PPFIA1: variants seen among roughly 807,000 people sequenced by gnomAD.
PPFIA1 encodes the protein PPFI scaffold protein A1, also known as liprin-alpha-1.
PPFIA1 carries 25 observed loss-of-function variants against 149.9 expected under a neutral mutation model. The ratio of observed to expected loss-of-function variants is 0.17; its 90% CI spans 0.12 to 0.23. PPFIA1 has a LOEUF of 0.23. Ranked by LOEUF, PPFIA1 falls within the 10% of genes least tolerant of loss-of-function variation. The probability of loss-of-function intolerance (pLI) is 1.00; values close to 1 mark genes in which losing one functional copy is unlikely to be tolerated. For synonymous variants in PPFIA1, 549 were observed against 552.8 expected (o/e 0.99, Z 0.10); for missense variants, 1,362 against 1,506.5 (o/e 0.90, Z 1.59).
At chr11:70,301,095 C>A (rs1163566283) in intron 2 of PPFIA1, among the ~76,000 whole-genome samples, 1 of 152,172 alleles carries the variant, frequency 6.6e-6, no homozygotes. Context: ...AGTTTTGGGT[C>A]CTCTGCGTAC....
At chr11:70,311,411 C>T (rs1383689532) in intron 2 of PPFIA1, among the ~76,000 whole-genome samples, 1 of 152,184 alleles carries the variant, frequency 6.6e-6, no homozygotes, top group African/African-American at 2.4e-5. Flanking sequence ...TTTTCCACTT[C>T]ATGCGTCGGA....
intron 2 of PPFIA1, among the ~76,000 whole-genome samples, chr11:70,310,551 A>G (rs2053196337): frequency 6.6e-6 from 1 of 151,676 alleles, no homozygotes; most frequent in Admixed American, 6.6e-5. Flanking sequence ...ACGCCCAGTT[A>G]ATTTTGGTAT....
chr11:70,350,306 C>T (rs2055978617), intron 16 of PPFIA1, among the ~76,000 whole-genome samples: 2 of 151,864 alleles, frequency 1.3e-5, no homozygotes, highest in Admixed American at 6.6e-5. Context: ...TTTACACAAA[C>T]AGTATGCTTT....
intron 7 of PPFIA1, chr11:70,327,512 C>CT (rs1461938458): frequency 6.6e-6 from 1 of 152,396 alleles, no homozygotes; most frequent in African/African-American, 2.4e-5. Context: ...TGGCTCACGC[C>CT]TGTAATCCCA....
intron 15 of PPFIA1, among the ~76,000 whole-genome samples, chr11:70,346,240 C>T (rs2137181060): frequency 6.6e-6 from 1 of 152,208 alleles, no homozygotes; most frequent in South Asian, 2.1e-4. Flanking sequence ...TGACGTGCTG[C>T]TTGGCTAGCC....
At chr11:70,367,915 C>G (rs944632564) in intron 21 of PPFIA1, among the ~76,000 whole-genome samples, 1 of 152,146 alleles carries the variant, frequency 6.6e-6, no homozygotes, top group Non-Finnish European at 1.5e-5. Flanking sequence ...GCAGGTGGAT[C>G]GCTTTCAGCC....
At chr11:70,369,600 G>C (rs781020366) in intron 21 of PPFIA1, among the ~76,000 whole-genome samples, 1 of 152,102 alleles carries the variant, frequency 6.6e-6, no homozygotes, top group Admixed American at 6.6e-5. Flanking sequence ...CTTGGGTAGA[G>C]ATTTTCTTTT....
chr11:70,357,538 G>GT (rs2056414761), intron 19 of PPFIA1, among the ~76,000 whole-genome samples: 1 of 151,880 alleles, frequency 6.6e-6, no homozygotes, highest in South Asian at 2.1e-4. Context: ...TAGAAACCAC[G>GT]TAACAGCAAA....
chr11:70,292,492 C>T (rs1213911310), intron 2 of PPFIA1, among the ~76,000 whole-genome samples: 1 of 152,232 alleles, frequency 6.6e-6, no homozygotes, highest in Non-Finnish European at 1.5e-5. Context: ...GTTCCCTCAT[C>T]ACTGAGCCTT....
At position 70,383,047 on chromosome 11, in the gene PPFIA1, C is replaced by T. The variant is rs1016346685; in HGVS notation, c.*57C>T. 3 of 411,218 alleles carry T rather than the reference C, an allele frequency of 7.3e-6. No homozygotes were observed. Among genetic ancestry groups the T allele is most frequent in the Non-Finnish European group, 9.4e-6 (2 of 213,166 alleles). The allele number at this position is 411,218 out of a possible 1,614,324, so 25.5% of individuals were successfully genotyped here. A position where few individuals can be genotyped will look rare whatever the true frequency, so the allele number is the denominator to read the frequency against. ...CAGATGATTATGCAGCATTTGAATC[C>T]AACAAAGACTACATTTTGGAATCCA... On this transcript the variant is annotated 3_prime_UTR_variant, in exon 28 of 28. Transcript: ENST00000253925.
intron 2 of PPFIA1, among the ~76,000 whole-genome samples, chr11:70,274,462 G>C (rs2050267453): frequency 6.6e-6 from 1 of 152,118 alleles, no homozygotes; most frequent in East Asian, 1.9e-4. Context: ...CCAAGGTCTT[G>C]ACCTTTCACC....
At chr11:70,367,423 G>A in intron 21 of PPFIA1, 1 of 424,608 alleles carries the variant, frequency 2.4e-6, no homozygotes, top group Non-Finnish European at 4.7e-6. Context: ...GCTGCGTGGA[G>A]CATCTATGAG....
At chr11:70,272,495 G>T (rs1335399354) in intron 2 of PPFIA1, 59 bp downstream of exon 2, 6 of 1,493,010 alleles carry the variant, frequency 4.0e-6, no homozygotes, top group Non-Finnish European at 5.4e-6. Flanking sequence ...TTTTTTATTA[G>T]TGTCATCTTT....
chr11:70,348,264 A>C lies in PPFIA1; in HGVS notation c.2007A>C (p.Leu669=). Residue 669 remains leucine, a synonymous_variant, in exon 16 of 28, where the codon CTA becomes CTC. Transcript: ENST00000253925. ...EIESRVGSGS[L]DNLGRFRSMS... ...AAAGTCGAGTTGGCAGTGGAAGTCT[A>C]GACAATCTTGGTCGTTTTAGATCAA... 2.5e-6 allele frequency: 4 copies of C among 1,614,222 alleles called. No homozygotes were observed. The South Asian group carries it at 4.4e-5, about 18-fold the overall frequency.
intron 10 of PPFIA1, chr11:70,334,761 C>T (rs1185070498): frequency 2.0e-5 from 3 of 152,232 alleles, no homozygotes; most frequent in Admixed American, 1.3e-4. Context: ...TGGCTGTCTC[C>T]TCCTGCCTGG....
intron 2 of PPFIA1, among the ~76,000 whole-genome samples, chr11:70,300,833 T>A (rs1232357261): frequency 6.6e-6 from 1 of 152,124 alleles, no homozygotes; most frequent in African/African-American, 2.4e-5. Flanking sequence ...GCGCCCGGCC[T>A]ACTCCAACTT....
At chr11:70,318,998 A>T (rs1396879477) in intron 2 of PPFIA1, among the ~76,000 whole-genome samples, 2 of 152,202 alleles carry the variant, frequency 1.3e-5, no homozygotes, top group Non-Finnish European at 2.9e-5. Flanking sequence ...TGCAGTCTCT[A>T]CAACACACCC....
chr11:70,345,900 A>G, intron 15 of PPFIA1: 2 of 346,176 alleles, frequency 5.8e-6, no homozygotes, highest in South Asian at 4.1e-5. Context: ...AGGTCCCGTC[A>G]CACAGTGGCC....
At chr11:70,335,461 G>C in intron 10 of PPFIA1, 102 bp from the exon 11 acceptor site, 1 of 1,380,228 alleles carries the variant, frequency 7.2e-7, no homozygotes, top group African/African-American at 1.4e-5. Context: ...AACTGGGGGA[G>C]GGGAGGGCAC....
Sources: gnomAD v4.1 joint callset for allele counts (sites outside exome capture counted in the v4.1 genomes callset) on GRCh38, gnomAD v4.1.1 for gene constraint, MANE v1.5 for transcripts, NCBI Gene and HGNC (gene_info 2026-07-23, HGNC 2026-07-21) for gene names.